Variants in PALM2AKAP2 observed in about 807,000 individuals in gnomAD.
The protein encoded by PALM2AKAP2 is PALM2 and AKAP2 fusion, also known as PALM2-AKAP2 fusion protein.
PALM2AKAP2 carries 37 observed loss-of-function variants against 71.5 expected under a neutral mutation model. That is an observed-to-expected ratio of 0.52 (90% CI 0.40 to 0.68). PALM2AKAP2 has a LOEUF of 0.68. Ranked by LOEUF, PALM2AKAP2 falls within the 30% of genes least tolerant of loss-of-function variation. The pLI is 0.00. For missense variants in PALM2AKAP2, 1,224 were observed against 1,191.8 expected (o/e 1.03, Z -0.40); for synonymous variants, 468 against 478.8 (o/e 0.98, Z 0.29).
intron 3 of PALM2AKAP2, among the ~76,000 whole-genome samples, chr9:109,886,271 T>C (rs1033891145): frequency 2.0e-5 from 3 of 152,152 alleles, no homozygotes; most frequent in Admixed American, 6.5e-5. Flanking sequence ...GGAGGCCACA[T>C]GTGGACCTCG....
At chr9:109,998,752 G>A (rs1431229852) in intron 6 of PALM2AKAP2, among the ~76,000 whole-genome samples, 3 of 138,888 alleles carry the variant, frequency 2.2e-5, no homozygotes, top group Admixed American at 7.3e-5. Flanking sequence ...GGGTGACAGC[G>A]AGACCCTGTC....
chr9:109,724,508 T>C (rs941767650), intron 1 of PALM2AKAP2, among the ~76,000 whole-genome samples: 2 of 130,984 alleles, frequency 1.5e-5, no homozygotes, highest in Non-Finnish European at 3.3e-5. Context: ...TTATGGTAAC[T>C]AAAACAGTAA....
At chr9:110,117,758 G>C (rs561465933) in intron 1 of PALM2AKAP2, among the ~76,000 whole-genome samples, 42 of 151,916 alleles carry the variant, frequency 2.8e-4, no homozygotes, top group Admixed American at 1.6e-3. Context: ...TGACCTTATC[G>C]CCTCTTCAAG....
intron 1 of PALM2AKAP2, among the ~76,000 whole-genome samples, chr9:109,748,056 G>A (rs1828830303): frequency 6.6e-6 from 1 of 152,194 alleles, no homozygotes; most frequent in African/African-American, 2.4e-5. Flanking sequence ...TTTACCAGTT[G>A]AAACTGATTT....
intron 6 of PALM2AKAP2, among the ~76,000 whole-genome samples, chr9:110,014,830 A>G (rs1320552365): frequency 6.9e-5 from 9 of 129,836 alleles, no homozygotes; most frequent in South Asian, 2.5e-4. Context: ...ATATATATAT[A>G]TATATATATA....
intron 1 of PALM2AKAP2, among the ~76,000 whole-genome samples, chr9:109,811,888 A>G (rs1184032392): frequency 6.6e-6 from 1 of 152,226 alleles, no homozygotes; most frequent in African/African-American, 2.4e-5. Context: ...GTATTTTCTT[A>G]AAGCAAGTCA....
chr9:109,980,194 AAAGAAC>A (rs1248027844), intron 6 of PALM2AKAP2, among the ~76,000 whole-genome samples: 10 of 152,150 alleles, frequency 6.6e-5, no homozygotes, highest in Admixed American at 1.3e-4. Flanking sequence ...AGTATAAAGG[AAAGAAC>A]AAGTCTTTGG....
chr9:110,073,706 C>G (rs1317179584), intron 1 of PALM2AKAP2, among the ~76,000 whole-genome samples: 1 of 152,122 alleles, frequency 6.6e-6, no homozygotes, highest in African/African-American at 2.4e-5. Context: ...ACTGCAGTGT[C>G]TACATTATGG....
rs115565253 is a variant in PALM2AKAP2, at chr9:109,996,847, C to T, written c.497-19107C>T. Among the ~76,000 whole-genome samples, 1,432 of 152,256 alleles carry T rather than the reference C, an allele frequency of 9.4e-3. 23 individuals carry two copies. Among genetic ancestry groups the T allele is most frequent in the African/African-American group, 0.033 (1,380 of 41,534 alleles). ...GTGGGTTGGCATGCGTACACACAAGCCTGCACATAAATGTCTAAGAGTGCA... is the reference window on the plus strand; with the variant it reads ...GTGGGTTGGCATGCGTACACACAAGTCTGCACATAAATGTCTAAGAGTGCA... On this transcript the variant is annotated intron_variant, in intron 6 of 9. Transcript: ENST00000302798.
intron 1 of PALM2AKAP2, among the ~76,000 whole-genome samples, chr9:110,135,163 AAATATAT>A (rs1361561856): frequency 6.8e-5 from 5 of 73,988 alleles, no homozygotes; most frequent in African/African-American, 2.5e-4. Flanking sequence ...AAAAAAAAAA[AAATATAT>A]AAATATATAT....
At chr9:109,640,873 A>G in intron 1 of PALM2AKAP2, 2 of 1,516,008 alleles carry the variant, frequency 1.3e-6, no homozygotes, top group South Asian at 2.4e-5. Context: ...TGGAGTGAGT[A>G]TCCCCGAGCC....
intron 1 of PALM2AKAP2, among the ~76,000 whole-genome samples, chr9:110,133,059 ATTT>A (rs1835770175): frequency 6.6e-6 from 1 of 152,186 alleles, no homozygotes; most frequent in Non-Finnish European, 1.5e-5. Flanking sequence ...GTTGTCTTAG[ATTT>A]TAAATATTTG....
intron 1 of PALM2AKAP2, among the ~76,000 whole-genome samples, chr9:109,678,659 A>G (rs1427329445): frequency 6.6e-6 from 1 of 152,186 alleles, no homozygotes; most frequent in African/African-American, 2.4e-5. Flanking sequence ...TGCCCAGCAG[A>G]GACAAGGTAC....
chr9:110,020,306 C>T (rs1588062158), intron 7 of PALM2AKAP2, among the ~76,000 whole-genome samples: 1 of 152,194 alleles, frequency 6.6e-6, no homozygotes, highest in Admixed American at 6.5e-5. Context: ...TCTTTGCCTT[C>T]CATTTCCCTT....
intron 1 of PALM2AKAP2, among the ~76,000 whole-genome samples, chr9:109,708,508 T>C (rs1828177880): frequency 1.3e-5 from 2 of 152,238 alleles, no homozygotes; most frequent in Non-Finnish European, 2.9e-5. Flanking sequence ...CAGGAAATCA[T>C]TTCAGAGTGG....
chr9:109,878,810 C>CAGT (rs1251487171), intron 2 of PALM2AKAP2, among the ~76,000 whole-genome samples: 1 of 152,100 alleles, frequency 6.6e-6, no homozygotes, highest in Admixed American at 6.5e-5. Context: ...TGATCTCAGC[C>CAGT]CACTGCAACC....
At chr9:109,915,297 G>A (rs777608007) in intron 3 of PALM2AKAP2, among the ~76,000 whole-genome samples, 8 of 152,256 alleles carry the variant, frequency 5.3e-5, no homozygotes, top group Non-Finnish European at 8.8e-5. Flanking sequence ...AAGAAGGTGT[G>A]AAATAATCGT....
chr9:109,649,865 A>T (rs890566790), intron 1 of PALM2AKAP2, among the ~76,000 whole-genome samples: 1 of 152,236 alleles, frequency 6.6e-6, no homozygotes, highest in Admixed American at 6.5e-5. Flanking sequence ...GAGTGAGCAG[A>T]TCATTCAGAC....
chr9:110,123,632 C>G (rs1835536449), intron 1 of PALM2AKAP2, among the ~76,000 whole-genome samples: 1 of 152,182 alleles, frequency 6.6e-6, no homozygotes, highest in Non-Finnish European at 1.5e-5. Context: ...GTAGTGGACT[C>G]TGGCGTCTCT....
Sources: allele counts gnomAD v4.1 joint callset (sites outside exome capture counted in the v4.1 genomes callset), GRCh38; gene constraint gnomAD v4.1.1; transcripts MANE v1.5; gene names NCBI Gene and HGNC (gene_info 2026-07-23, HGNC 2026-07-21).